Variants in TMEM131 observed in about 807,000 individuals in gnomAD.
TMEM131 encodes transmembrane protein 131, also known as 2610524E03Rik.
Under a neutral mutation model 211.6 loss-of-function variants are expected in TMEM131, and 66 were observed. That is an observed-to-expected ratio of 0.31 (90% CI 0.26 to 0.38). The LOEUF (loss-of-function observed/expected upper bound fraction) is 0.38, where lower values mean the gene tolerates loss of function less well. Ranked by LOEUF, TMEM131 falls within the 10% of genes least tolerant of loss-of-function variation. The pLI is 1.00. For synonymous variants in TMEM131, 844 were observed against 841.3 expected (o/e 1.00, Z -0.06); for missense variants, 2,036 against 2,299.3 (o/e 0.89, Z 2.34).
chr2:97,834,640 A>G lies in TMEM131; in HGVS notation c.993T>C (p.Phe331=). 1 of 1,563,580 alleles carries G rather than the reference A, an allele frequency of 6.4e-7. No individual in the cohort carries two copies. ...TTTTACCTTGTGTTCTTAGTGTACC[A>G]AAATCTAACATTTCAGTTGAGGAAT... ...GIYSSTEMLD[F]GTLRTQDLPK... Residue 331 remains phenylalanine, a synonymous_variant, in exon 10 of 41, where the codon TTT becomes TTC. Transcript: ENST00000186436.
At chr2:97,822,511 G>A (rs1039477946) in intron 11 of TMEM131, among the ~76,000 whole-genome samples, 1 of 152,184 alleles carries the variant, frequency 6.6e-6, no homozygotes, top group Non-Finnish European at 1.5e-5. Context: ...AACACTAACA[G>A]GAGAATGCTT....
At chr2:97,839,481 C>T (rs1013580968) in intron 7 of TMEM131, among the ~76,000 whole-genome samples, 2 of 152,170 alleles carry the variant, frequency 1.3e-5, no homozygotes, top group Non-Finnish European at 2.9e-5. Flanking sequence ...AAACTAGGAA[C>T]CTGACACATT....
intron 33 of TMEM131, among the ~76,000 whole-genome samples, chr2:97,771,980 T>C (rs1028561797): frequency 1.3e-5 from 2 of 152,248 alleles, no homozygotes; most frequent in African/African-American, 4.8e-5. Context: ...GTCAAGGTCA[T>C]CTTTGTGCAG....
intron 1 of TMEM131, among the ~76,000 whole-genome samples, chr2:97,969,480 T>C (rs1397121018): frequency 2.0e-5 from 3 of 152,214 alleles, no homozygotes; most frequent in Admixed American, 2.0e-4. Context: ...CCTGTATTAT[T>C]TATGTTTTCC....
Position 97,971,214 on chromosome 2 carries a change from G to C in TMEM131, c.187+24262C>G, listed in dbSNP as rs142987010. 6.2e-3 allele frequency among the ~76,000 whole-genome samples: 949 copies of C among 152,234 alleles called. 13 individuals carry two copies. Among genetic ancestry groups the C allele is most frequent in the African/African-American group, 0.02 (827 of 41,548 alleles). ...CAAAGGGCACTGGGTAAAGGTCAGG[G>C]AGAAAATCCTGGGCTTTTTCAGAGA... On this transcript the variant is annotated intron_variant, in intron 1 of 40. Coordinates refer to ENST00000186436, the MANE Select transcript of TMEM131 (RefSeq NM_015348.2).
chr2:97,825,161 C>G (rs1158080151), intron 11 of TMEM131, among the ~76,000 whole-genome samples: 8 of 152,198 alleles, frequency 5.3e-5, no homozygotes. Context: ...TCTGTTTGGT[C>G]AGGCACTGGC....
intron 1 of TMEM131, among the ~76,000 whole-genome samples, chr2:97,993,255 T>C (rs1423608207): frequency 2.0e-5 from 3 of 152,232 alleles, no homozygotes; most frequent in Admixed American, 6.5e-5. Context: ...GCTACTTCAA[T>C]AGACACAAAA....
chr2:97,809,115 CTGA>C (rs1336946488), intron 19 of TMEM131, among the ~76,000 whole-genome samples: 1 of 152,186 alleles, frequency 6.6e-6, no homozygotes, highest in East Asian at 1.9e-4. Flanking sequence ...AAGCTCAGCT[CTGA>C]TGATGTCAAG....
chr2:97,941,263 C>A (rs1361992172), intron 1 of TMEM131, among the ~76,000 whole-genome samples: 1 of 152,126 alleles, frequency 6.6e-6, no homozygotes, highest in Non-Finnish European at 1.5e-5. Flanking sequence ...GGAAAACTGG[C>A]TAGCCATATG....
chr2:97,838,864 C>T (rs1282574909), intron 7 of TMEM131, among the ~76,000 whole-genome samples: 1 of 152,154 alleles, frequency 6.6e-6, no homozygotes, highest in Non-Finnish European at 1.5e-5. Context: ...TATTACTTGC[C>T]TGCTGATTTG....
In TMEM131 at chr2:97,906,617, G is replaced by A. The variant is rs1308595148; in HGVS notation, c.290+2041C>T. Among the ~76,000 whole-genome samples, 4 of 152,168 alleles carry A rather than the reference G, an allele frequency of 2.6e-5. No individual in the cohort carries two copies. In the East Asian group the frequency reaches 7.7e-4, roughly 29 times the overall value. ...AGTCCAGCCATCATACTAGGAGGAAGCCCAAACTAGCCCATGTGAAGGCCA... is the reference window on the plus strand; with the variant it reads ...AGTCCAGCCATCATACTAGGAGGAAACCCAAACTAGCCCATGTGAAGGCCA... On this transcript the variant is annotated intron_variant, in intron 3 of 40. Transcript: ENST00000186436.
chr2:97,765,004 T>G (rs1463617071), intron 35 of TMEM131: 1 of 152,188 alleles, frequency 6.6e-6, no homozygotes, highest in African/African-American at 2.4e-5. Context: ...TGGCATCTGT[T>G]TAATGGGGAA....
intron 4 of TMEM131, among the ~76,000 whole-genome samples, chr2:97,884,345 G>A (rs967131393): frequency 3.9e-5 from 6 of 152,108 alleles, no homozygotes; most frequent in Admixed American, 2.0e-4. Context: ...CCTAACATAC[G>A]ATCAATCCTG....
chr2:97,919,830 A>G (rs1057185088), intron 2 of TMEM131, among the ~76,000 whole-genome samples: 2 of 152,168 alleles, frequency 1.3e-5, no homozygotes, highest in African/African-American at 4.8e-5. Flanking sequence ...TCAGCCTCCC[A>G]AAGTACTGGG....
chr2:97,889,221 C>T (rs993226579), intron 3 of TMEM131, among the ~76,000 whole-genome samples: 3 of 152,292 alleles, frequency 2.0e-5, no homozygotes, highest in Admixed American at 6.5e-5. Flanking sequence ...AAGAATCCCT[C>T]TGCATATGTT....
At chr2:97,930,765 A>G (rs184352038) in intron 1 of TMEM131, among the ~76,000 whole-genome samples, 2 of 152,050 alleles carry the variant, frequency 1.3e-5, no homozygotes, top group Non-Finnish European at 2.9e-5. Context: ...ATTCAAAACC[A>G]GAACTAGTAA....
chr2:97,988,132 A>G (rs1012854984), intron 1 of TMEM131, among the ~76,000 whole-genome samples: 2 of 152,194 alleles, frequency 1.3e-5, no homozygotes, highest in Admixed American at 6.5e-5. Flanking sequence ...TAAACAGAAT[A>G]AAGTGTCCAG....
chr2:97,825,113 T>C (rs1159418179), intron 11 of TMEM131, among the ~76,000 whole-genome samples: 1 of 152,222 alleles, frequency 6.6e-6, no homozygotes, highest in Admixed American at 6.5e-5. Context: ...CCAACTTATG[T>C]GGACGGTCTT....
chr2:97,880,739 C>T (rs960288589), intron 4 of TMEM131, among the ~76,000 whole-genome samples: 6 of 152,028 alleles, frequency 3.9e-5, no homozygotes, highest in Non-Finnish European at 7.4e-5. Flanking sequence ...AGGCATATGT[C>T]AAAGGCATGG....
Sources: gnomAD v4.1 joint callset for allele counts (sites outside exome capture counted in the v4.1 genomes callset) on GRCh38, gnomAD v4.1.1 for gene constraint, MANE v1.5 for transcripts, NCBI Gene and HGNC (gene_info 2026-07-23, HGNC 2026-07-21) for gene names.